The following SEMA3D variants were observed in gnomAD, a reference collection of about 807,000 sequenced individuals.
SEMA3D encodes semaphorin-3D.
SEMA3D carries 84 observed loss-of-function variants against 100.1 expected under a neutral mutation model. That is an observed-to-expected ratio of 0.84 (90% confidence interval 0.70 to 1.01). The LOEUF (loss-of-function observed/expected upper bound fraction) is 1.01, where lower values mean the gene tolerates loss of function less well. Ranked by LOEUF, SEMA3D falls within the 50% of genes least tolerant of loss-of-function variation. The pLI is 0.00. For missense variants in SEMA3D, 875 were observed against 934.1 expected, an observed-to-expected ratio of 0.94 and a Z score of 0.82; for synonymous variants, 312 against 320.7, an observed-to-expected ratio of 0.97 and a Z score of 0.29.
intron 4 of SEMA3D, among the ~76,000 whole-genome samples, chr7:85,083,704 G>A (rs1378696277): frequency 2.7e-5 from 4 of 149,614 alleles, no homozygotes; most frequent in South Asian, 2.1e-4. Flanking sequence ...AAAATTAGCC[G>A]GGCGTGGTGG....
At chr7:85,200,047 C>T in the SEMA3D span, among the ~76,000 whole-genome samples, 5 of 152,320 alleles carry the variant, frequency 3.3e-5, no homozygotes, top group South Asian at 2.1e-4. Context: ...GGCTTTCCCA[C>T]CCATGTGGAA....
intron 8 of SEMA3D, among the ~76,000 whole-genome samples, chr7:85,058,495 C>T (rs945870331): frequency 6.6e-6 from 1 of 151,992 alleles, no homozygotes; most frequent in Non-Finnish European, 1.5e-5. Flanking sequence ...CGCCTATAAT[C>T]CCAGCACTTT....
intron 8 of SEMA3D, among the ~76,000 whole-genome samples, chr7:85,064,562 G>A (rs1424148081): frequency 6.6e-6 from 1 of 152,104 alleles, no homozygotes; most frequent in African/African-American, 2.4e-5. Context: ...GAGATAGAGA[G>A]ATAGACCCTA....
the SEMA3D span, among the ~76,000 whole-genome samples, chr7:85,238,501 A>G: frequency 6.6e-6 from 1 of 152,188 alleles, no homozygotes; most frequent in East Asian, 1.9e-4. Flanking sequence ...TCAAAAATCA[A>G]TGGGCTACAA....
chr7:85,105,184 TC>T (rs1473823584), intron 3 of SEMA3D, among the ~76,000 whole-genome samples: 2 of 152,030 alleles, frequency 1.3e-5, no homozygotes, highest in Non-Finnish European at 2.9e-5. Flanking sequence ...ATTTCTGCCT[TC>T]CCCCTAAATT....
intron 9 of SEMA3D, among the ~76,000 whole-genome samples, chr7:85,042,662 G>A (rs752038247): frequency 6.6e-6 from 1 of 151,936 alleles, no homozygotes; most frequent in South Asian, 2.1e-4. Context: ...CTTGAAATAC[G>A]GTTAGTTAAT....
At chr7:85,136,779 A>G (rs969679916) in intron 2 of SEMA3D, among the ~76,000 whole-genome samples, 2 of 152,228 alleles carry the variant, frequency 1.3e-5, no homozygotes, top group African/African-American at 2.4e-5. Context: ...GATGTTTTAT[A>G]TAAGTGTCAG....
chr7:85,231,697 C>G, the SEMA3D span, among the ~76,000 whole-genome samples: 95 of 152,116 alleles, frequency 6.2e-4, 1 homozygote, highest in East Asian at 6.4e-3. Flanking sequence ...TGATCCGCCC[C>G]CCTCAGCCTC....
intron 17 of SEMA3D, 93 bp downstream of exon 17, chr7:85,012,689 T>C (rs1747422779): frequency 1.1e-6 from 1 of 923,510 alleles, no homozygotes; most frequent in Non-Finnish European, 1.7e-6. Context: ...GATATTCTTA[T>C]ATAATAGATG....
chr7:85,062,080 A>G (rs1183689868), intron 8 of SEMA3D, among the ~76,000 whole-genome samples: 1 of 152,182 alleles, frequency 6.6e-6, no homozygotes, highest in Non-Finnish European at 1.5e-5. Flanking sequence ...GATGAACTGT[A>G]TTATACAATG....
At chr7:85,194,009 A>AGTAGAAAG in the SEMA3D span, among the ~76,000 whole-genome samples, 8 of 152,166 alleles carry the variant, frequency 5.3e-5, no homozygotes, top group Non-Finnish European at 1.2e-4. Context: ...TAATGGAAAA[A>AGTAGAAAG]GTAGAAAGCC....
chr7:85,144,453 A>T (rs2116470764), intron 2 of SEMA3D: 1 of 979,904 alleles, frequency 1.0e-6, no homozygotes, highest in African/African-American at 1.7e-5. Context: ...CCTCTTCCCC[A>T]GAGGTAGAAA....
chr7:85,035,031 T>G (rs1790653327), intron 12 of SEMA3D, among the ~76,000 whole-genome samples: 1 of 152,052 alleles, frequency 6.6e-6, no homozygotes, highest in Non-Finnish European at 1.5e-5. Flanking sequence ...CACTCTTAGA[T>G]TCATTGCAGC....
chr7:85,203,996 G>A, the SEMA3D span, among the ~76,000 whole-genome samples: 1 of 152,026 alleles, frequency 6.6e-6, no homozygotes, highest in Non-Finnish European at 1.5e-5. Flanking sequence ...CATGGAATGA[G>A]GGGAAGATTC....
chr7:85,031,947 T>A (rs1790562662), intron 12 of SEMA3D, among the ~76,000 whole-genome samples: 1 of 151,866 alleles, frequency 6.6e-6, no homozygotes, highest in African/African-American at 2.4e-5. Flanking sequence ...TAATTTTAGG[T>A]GGGACATTCG....
the SEMA3D span, among the ~76,000 whole-genome samples, chr7:85,238,298 AT>A: frequency 1.3e-5 from 2 of 151,780 alleles, no homozygotes; most frequent in Non-Finnish European, 2.9e-5. Context: ...TGTCACCTAT[AT>A]TTTTTCCCAT....
At position 85,172,506 on chromosome 7, in the gene SEMA3D, A is replaced by G. The variant is rs181355863; in HGVS notation, c.-173+14172T>C. ...TTTCTATTAAACTGTATTCTGAGGAATGACCAAGCAGATAAAGCAGCATGG... is the reference window on the plus strand; with the variant it reads ...TTTCTATTAAACTGTATTCTGAGGAGTGACCAAGCAGATAAAGCAGCATGG... On this transcript the variant is annotated intron_variant, in intron 1 of 18. Coordinates refer to ENST00000284136, the MANE Select transcript of SEMA3D (RefSeq NM_001384900.1). 5.9e-5 allele frequency among the ~76,000 whole-genome samples: 9 copies of G among 152,046 alleles called. No homozygotes were observed. The East Asian group carries it at 1.7e-3, about 30-fold the overall frequency.
rs531566872 is a variant in SEMA3D, at chr7:85,027,145, A to T, written c.1192-4532T>A. Among the ~76,000 whole-genome samples, 3 of 152,196 alleles carry T rather than the reference A, an allele frequency of 2.0e-5. No individual in the cohort carries two copies. The South Asian group carries it at 6.2e-4, about 32-fold the overall frequency. On this transcript the variant is annotated intron_variant, in intron 12 of 18. Coordinates refer to ENST00000284136, the MANE Select transcript of SEMA3D (RefSeq NM_001384900.1). Reference sequence around the variant, plus strand: ...ATGTTAGAGTAAAAAAGATCTTTCTACAACCGAACGGTATGCCAGGGCCCA... The same window carrying T: ...ATGTTAGAGTAAAAAAGATCTTTCTTCAACCGAACGGTATGCCAGGGCCCA...
intron 12 of SEMA3D, among the ~76,000 whole-genome samples, chr7:85,023,619 A>C (rs1352900794): frequency 6.6e-6 from 1 of 151,850 alleles, no homozygotes; most frequent in Non-Finnish European, 1.5e-5. Flanking sequence ...GAGAAGTTGG[A>C]AACAGTCTCC....
Sources: allele counts gnomAD v4.1 joint callset (sites outside exome capture counted in the v4.1 genomes callset), GRCh38; gene constraint gnomAD v4.1.1; transcripts MANE v1.5; gene names NCBI Gene and HGNC (gene_info 2026-07-23, HGNC 2026-07-21).